The following ANKRD17 variants were observed in gnomAD, a reference collection of about 807,000 sequenced individuals.
The protein encoded by ANKRD17 is ankyrin repeat domain-containing protein 17.
Under a neutral mutation model 229.7 loss-of-function variants are expected in ANKRD17, and 19 were observed. That is an observed-to-expected ratio of 0.08 (90% CI 0.06 to 0.12). The LOEUF (loss-of-function observed/expected upper bound fraction) is 0.12. Ranked by LOEUF, ANKRD17 falls within the 10% of genes least tolerant of loss-of-function variation. The pLI is 1.00. For synonymous variants in ANKRD17, 1,112 were observed against 1,146.1 expected (o/e 0.97, Z 0.60); for missense variants, 2,176 against 3,176.8 (o/e 0.68, Z 7.57).
Position 73,102,357 on chromosome 4 carries a change from GGTT to G in ANKRD17, c.4573+16_4573+18del. 6.4e-7 allele frequency: 1 copy of G among 1,569,844 alleles called. No individual in the cohort carries two copies. The highest frequency in any genetic ancestry group is 8.6e-7 in the Non-Finnish European group (1 of 1,167,302). On this transcript the variant is annotated intron_variant, in intron 25 of 33. Coordinates refer to ENST00000358602, the MANE Select transcript of ANKRD17 (RefSeq NM_032217.5). ...AACTAGAATATAAAACAAATGGGATGGTTGTTAAGAGAAAATACCTTCAACTTT... is the reference window on the plus strand; with the variant it reads ...AACTAGAATATAAAACAAATGGGATGGTTAAGAGAAAATACCTTCAACTTT...
chr4:73,088,540 G>A (rs1378618548), intron 29 of ANKRD17, among the ~76,000 whole-genome samples: 1 of 151,944 alleles, frequency 6.6e-6, no homozygotes, highest in Non-Finnish European at 1.5e-5. Context: ...CACATTTTTG[G>A]AAAGGTAAAG....
chr4:73,209,637 C>CA (rs34371379), intron 1 of ANKRD17, among the ~76,000 whole-genome samples: 16,260 of 151,956 alleles, frequency 0.11, 984 homozygotes, highest in South Asian at 0.14. Context: ...TTCCCTTACG[C>CA]AAAAAAGATC....
chr4:73,117,463 G>A (rs906843697), intron 22 of ANKRD17, among the ~76,000 whole-genome samples: 8 of 152,178 alleles, frequency 5.3e-5, no homozygotes, highest in African/African-American at 1.9e-4. Context: ...TGGTTAGAAA[G>A]ATTAACTTGA....
At position 73,219,322 on chromosome 4, in the gene ANKRD17, T is replaced by C. The variant is rs186859235; in HGVS notation, c.393+38954A>G. Among the ~76,000 whole-genome samples, 15 of 151,920 alleles carry C rather than the reference T, an allele frequency of 9.9e-5. No individual in the cohort carries two copies. The East Asian group carries it at 2.9e-3, about 29-fold the overall frequency. Reference sequence around the variant, plus strand: ...GTGCATTACATATAACAATGTGCCTTACAGAATAAAAAGAAATATAACACG... The same window carrying C: ...GTGCATTACATATAACAATGTGCCTCACAGAATAAAAAGAAATATAACACG... On this transcript the variant is annotated intron_variant, in intron 1 of 33. Transcript: ENST00000358602.
chr4:73,214,817 C>T (rs1740785679), intron 1 of ANKRD17, among the ~76,000 whole-genome samples: 2 of 144,458 alleles, frequency 1.4e-5, no homozygotes, highest in South Asian at 4.3e-4. Flanking sequence ...CAAGACCAAC[C>T]TGGCCAACAG....
Position 73,221,764 on chromosome 4 carries a change from CCT to C in ANKRD17, c.393+36510_393+36511del, listed in dbSNP as rs545831302. ...AAAATTAACCACAATTCAACTTAGA[CCT>C]AACAGCTTTTAGGAAAGGGGAAAAG... On this transcript the variant is annotated intron_variant, in intron 1 of 33. Coordinates refer to ENST00000358602, the MANE Select transcript of ANKRD17 (RefSeq NM_032217.5). Among the ~76,000 whole-genome samples the C allele has an allele frequency of 2.5e-3, 377 of 152,222 alleles. 2 individuals are homozygous for C. Among genetic ancestry groups the C allele is most frequent in the South Asian group, 0.016 (76 of 4,818 alleles).
chr4:73,154,139 G>A (rs775058561), intron 5 of ANKRD17, 26 bp from the exon 6 acceptor site: 3 of 1,479,782 alleles, frequency 2.0e-6, no homozygotes, highest in East Asian at 2.3e-5. Flanking sequence ...AAAATAAAAA[G>A]ACATTAACAT....
intron 1 of ANKRD17, among the ~76,000 whole-genome samples, chr4:73,248,683 T>C (rs1234098896): frequency 6.6e-6 from 1 of 152,042 alleles, no homozygotes; most frequent in African/African-American, 2.4e-5. Flanking sequence ...AGTTTCAATG[T>C]ATGTAAGTTT....
chr4:73,209,562 C>T (rs1159910600), intron 1 of ANKRD17, among the ~76,000 whole-genome samples: 5 of 152,124 alleles, frequency 3.3e-5, no homozygotes, highest in South Asian at 2.1e-4. Flanking sequence ...TCAATGCAAT[C>T]GACCCAAACT....
intron 1 of ANKRD17, among the ~76,000 whole-genome samples, chr4:73,179,518 A>ATATTTTTTTTTTT (rs1192164276): frequency 7.1e-4 from 29 of 40,778 alleles, no homozygotes; most frequent in Non-Finnish European, 1.1e-3. Flanking sequence ...ATATATATAT[A>ATATTTTTTTTTTT]TTTTTTTTTT....
chr4:73,233,263 G>GA (rs1221698205), intron 1 of ANKRD17, among the ~76,000 whole-genome samples: 1 of 151,496 alleles, frequency 6.6e-6, no homozygotes, highest in Non-Finnish European at 1.5e-5. Context: ...ACTGTCCACC[G>GA]AAAAAACGAG....
chr4:73,161,286 A>G lies in ANKRD17; in HGVS notation c.610T>C (p.Leu204=). Residue 204 remains leucine, a synonymous_variant, in exon 3 of 34, where the codon TTG becomes CTG. Transcript: ENST00000358602. ...AFADPEVLRR[L]TSSVSCALDE... ...AACGCACAACTAACAGACGATGTCA[A>G]CCTCCGAAGTACTTCAGGATCTGCA... is the stretch of plus-strand genomic sequence containing the variant. The G allele has an allele frequency of 6.2e-7, 1 of 1,614,206 alleles. No individual in the cohort carries two copies. The highest frequency in any genetic ancestry group is 8.5e-7 in the Non-Finnish European group (1 of 1,180,046).
chr4:73,219,216 T>C (rs543388442), intron 1 of ANKRD17, among the ~76,000 whole-genome samples: 6 of 152,344 alleles, frequency 3.9e-5, no homozygotes, highest in Admixed American at 2.0e-4. Flanking sequence ...TAAGAGTTAC[T>C]ACAACTTTTC....
chr4:73,150,814 A>T (rs1730909098), intron 7 of ANKRD17, among the ~76,000 whole-genome samples: 1 of 152,164 alleles, frequency 6.6e-6, no homozygotes. Context: ...AAGGTTTAAG[A>T]GTACTGTTAT....
chr4:73,136,245 TTGAC>T (rs1482513330), intron 15 of ANKRD17, among the ~76,000 whole-genome samples: 1 of 152,144 alleles, frequency 6.6e-6, no homozygotes, highest in Admixed American at 6.6e-5. Context: ...GCATTTATCT[TTGAC>T]TGGTCAACAG....
chr4:73,230,851 G>A (rs995742740), intron 1 of ANKRD17, among the ~76,000 whole-genome samples: 3 of 152,054 alleles, frequency 2.0e-5, no homozygotes, highest in Admixed American at 1.3e-4. Context: ...CTCTACCCAT[G>A]GTGGGTCACA....
rs573315924 is a variant in ANKRD17, at chr4:73,224,627, AACT to A, written c.393+33646_393+33648del. On this transcript the variant is annotated intron_variant, in intron 1 of 33. Transcript: ENST00000358602. ...ACAACCCAGCTATGTCATATTTTTA[AACT>A]ACATTTTGCTTACTATATGCCATTT... 2.3e-4 allele frequency among the ~76,000 whole-genome samples: 35 copies of A among 152,334 alleles called. No homozygotes were observed. The East Asian group carries it at 6.2e-3, about 27-fold the overall frequency.
At chr4:73,184,528 C>CAAAAAA (rs776930137) in intron 1 of ANKRD17, among the ~76,000 whole-genome samples, 187 of 29,864 alleles carry the variant, frequency 6.3e-3, no homozygotes, top group Non-Finnish European at 8.2e-3. Context: ...GACTTCCTCT[C>CAAAAAA]AAAAAAAAAA....
At chr4:73,088,481 G>T (rs1722435837) in intron 29 of ANKRD17, among the ~76,000 whole-genome samples, 1 of 151,800 alleles carries the variant, frequency 6.6e-6, no homozygotes, top group Non-Finnish European at 1.5e-5. Context: ...TTATTTTTTT[G>T]TTCTCTAAAG....
Sources: allele counts gnomAD v4.1 joint callset (sites outside exome capture counted in the v4.1 genomes callset), GRCh38; gene constraint gnomAD v4.1.1; transcripts MANE v1.5; gene names NCBI Gene and HGNC (gene_info 2026-07-23, HGNC 2026-07-21).